COG6: variants seen among roughly 807,000 people sequenced by gnomAD.
COG6 encodes component of oligomeric golgi complex 6.
Under a neutral mutation model 88.8 loss-of-function variants are expected in COG6, and 74 were observed. The observed-to-expected ratio is 0.83, with a 90% CI of 0.69 to 1.01. The LOEUF (loss-of-function observed/expected upper bound fraction) is 1.01, where lower values mean the gene tolerates loss of function less well. Among genes scored for constraint, COG6 ranks in the 50% least tolerant of loss-of-function variants. COG6 has a pLI of 0.00. For missense variants in COG6, 800 were observed against 797.9 expected, an observed-to-expected ratio of 1.00 and a Z score of -0.03; for synonymous variants, 286 against 278.7, an observed-to-expected ratio of 1.03 and a Z score of -0.26.
intron 13 of COG6, among the ~76,000 whole-genome samples, chr13:39,702,129 G>A (rs1162663951): frequency 6.6e-6 from 1 of 151,876 alleles, no homozygotes; most frequent in Non-Finnish European, 1.5e-5. Context: ...GACATAAATT[G>A]GTAAAATGTG....
At chr13:39,726,880 C>T (rs1046951923) in intron 17 of COG6, among the ~76,000 whole-genome samples, 3 of 151,910 alleles carry the variant, frequency 2.0e-5, no homozygotes, top group Non-Finnish European at 2.9e-5. Context: ...TTGCCGAATC[C>T]ACAGACTAGG....
At chr13:39,743,142 G>T (rs1880139545) in intron 18 of COG6, among the ~76,000 whole-genome samples, 1 of 152,180 alleles carries the variant, frequency 6.6e-6, no homozygotes. Flanking sequence ...ATGCCCAAAA[G>T]AGAAAGCAGG....
intron 12 of COG6, among the ~76,000 whole-genome samples, chr13:39,694,989 A>ACACC (rs1491495852): frequency 2.8e-5 from 4 of 142,754 alleles, no homozygotes; most frequent in African/African-American, 1.0e-4. Flanking sequence ...ACACACACAC[A>ACACC]CCCCTTATAT....
intron 18 of COG6, among the ~76,000 whole-genome samples, chr13:39,738,358 A>G (rs1879875806): frequency 1.3e-5 from 2 of 152,192 alleles, no homozygotes; most frequent in Non-Finnish European, 2.9e-5. Flanking sequence ...TGAAATATAT[A>G]ATATTGATTG....
chr13:39,750,836 G>T (rs1324315811), intron 18 of COG6, 110 bp from the exon 19 acceptor site: 1 of 779,602 alleles, frequency 1.3e-6, no homozygotes, highest in Non-Finnish European at 2.2e-6. Context: ...GTGTATGTGT[G>T]ATGATAATGA....
chr13:39,670,768 C>T (rs1398694586), intron 4 of COG6, among the ~76,000 whole-genome samples: 1 of 151,950 alleles, frequency 6.6e-6, no homozygotes, highest in Non-Finnish European at 1.5e-5. Flanking sequence ...AATAGCTTTC[C>T]TCAGATGTAT....
At chr13:39,729,800 T>C (rs1404891313) in intron 18 of COG6, among the ~76,000 whole-genome samples, 1 of 152,184 alleles carries the variant, frequency 6.6e-6, no homozygotes, top group African/African-American at 2.4e-5. Flanking sequence ...CAAAGAGCAG[T>C]TTGGCAACAT....
chr13:39,669,018 G>T (rs1368260812), intron 4 of COG6, among the ~76,000 whole-genome samples: 1 of 70,794 alleles, frequency 1.4e-5, no homozygotes, highest in African/African-American at 4.1e-5. Context: ...CCATAGTCAC[G>T]ATATAGTACA....
In COG6 at chr13:39,699,089, CAG is replaced by C. The variant is rs1491442702; in HGVS notation, c.1167-411_1167-410del. 2.6e-5 allele frequency among the ~76,000 whole-genome samples: 4 copies of C among 151,680 alleles called. No individual in the cohort carries two copies. In the East Asian group the frequency reaches 7.7e-4, roughly 29 times the overall value. On this transcript the variant is annotated intron_variant, in intron 12 of 18. Transcript: ENST00000455146. Reference sequence around the variant, plus strand: ...AACAGTTTTAATTAAAAGAATAACTCAGTATTTATACAATTTAAATATTTTAT... The same window carrying C: ...AACAGTTTTAATTAAAAGAATAACTCTATTTATACAATTTAAATATTTTAT...
intron 18 of COG6, among the ~76,000 whole-genome samples, chr13:39,731,481 A>G (rs546672314): frequency 1.4e-3 from 217 of 152,318 alleles, no homozygotes; most frequent in African/African-American, 4.7e-3. Context: ...TAGCAATACA[A>G]AAATAGAGTT....
chr13:39,775,284 C>T (rs975421110), intron 18 of COG6, among the ~76,000 whole-genome samples: 3 of 151,948 alleles, frequency 2.0e-5, no homozygotes, highest in Non-Finnish European at 4.4e-5. Flanking sequence ...TAAGTTAAGA[C>T]AGGTAAAAAG....
chr13:39,662,692 T>G (rs902788495), intron 3 of COG6, among the ~76,000 whole-genome samples: 1 of 152,218 alleles, frequency 6.6e-6, no homozygotes, highest in Non-Finnish European at 1.5e-5. Flanking sequence ...TTAAAAATAT[T>G]TAATACTGCC....
intron 4 of COG6, among the ~76,000 whole-genome samples, chr13:39,670,335 C>T (rs1875550488): frequency 6.6e-6 from 1 of 151,978 alleles, no homozygotes; most frequent in Non-Finnish European, 1.5e-5. Context: ...AAAGGCCCAC[C>T]AGCCAGAATT....
chr13:39,769,756 T>A (rs528808394), intron 18 of COG6, among the ~76,000 whole-genome samples: 1 of 152,110 alleles, frequency 6.6e-6, no homozygotes, highest in South Asian at 2.1e-4. Context: ...GGTGATTAGG[T>A]CATGTGGCTG....
At chr13:39,685,965 C>G (rs1468469523) in intron 8 of COG6, among the ~76,000 whole-genome samples, 5 of 152,034 alleles carry the variant, frequency 3.3e-5, no homozygotes. Context: ...AAACAGTCCT[C>G]AAAAAAGGTT....
At chr13:39,728,889 T>C (rs989112214) in intron 18 of COG6, among the ~76,000 whole-genome samples, 4 of 152,128 alleles carry the variant, frequency 2.6e-5, no homozygotes, top group Admixed American at 2.0e-4. Flanking sequence ...GTTCTTGAAC[T>C]CCTGACCTCG....
At position 39,719,262 on chromosome 13, in the gene COG6, A is replaced by T. The variant is rs1878711410; in HGVS notation, c.1311A>T (p.Gly437=). The T allele has an allele frequency of 6.2e-7, 1 of 1,612,686 alleles. No homozygotes were observed. Among genetic ancestry groups the T allele is most frequent in the African/African-American group, 1.3e-5 (1 of 74,870 alleles). Residue 437 remains glycine, a synonymous_variant, in exon 14 of 19, where the codon GGA becomes GGT. Transcript: ENST00000455146. The part of the protein sequence containing the change: ...DKVELPPPDL[G]PSSALNQTLM... ...TTGAACTCCCACCACCTGATCTTGG[A>T]CCAAGTTCTGCACTAAATCAGACAC...
At chr13:39,687,665 G>A (rs993002490) in intron 9 of COG6, 34 bp downstream of exon 9, 1 of 1,613,918 alleles carries the variant, frequency 6.2e-7, no homozygotes, top group Admixed American at 1.7e-5. Flanking sequence ...AGGAGTTGAT[G>A]TTTTTCCAAA....
rs147739901 is a variant in COG6 at position 39,714,897 on chromosome 13, A to C, written c.1285-4339A>C. On this transcript the variant is annotated intron_variant, in intron 13 of 18. Transcript: ENST00000455146. ...CCATCAACTAATCAGTCGATAAAGA[A>C]ATTGCAACAACTTGAATGGAGCAGG... 5.3e-3 allele frequency among the ~76,000 whole-genome samples: 810 copies of C among 152,316 alleles called. 9 individuals carry two copies. The highest frequency in any genetic ancestry group is 6.0e-3 in the Non-Finnish European group (405 of 68,030).
Sources: allele counts gnomAD v4.1 joint callset (sites outside exome capture counted in the v4.1 genomes callset), GRCh38; gene constraint gnomAD v4.1.1; transcripts MANE v1.5; gene names NCBI Gene and HGNC (gene_info 2026-07-23, HGNC 2026-07-21).